EXT1: variants seen among roughly 807,000 people sequenced by gnomAD.
EXT1 encodes the protein exostosin glycosyltransferase 1.
A neutral mutation model predicts 82.5 loss-of-function variants in EXT1; 20 were observed. The observed-to-expected ratio is 0.24, with a 90% CI of 0.17 to 0.35. The LOEUF (loss-of-function observed/expected upper bound fraction) is 0.35, where lower values mean the gene tolerates loss of function less well. Among genes scored for constraint, EXT1 ranks in the 10% least tolerant of loss-of-function variants. The pLI is 1.00. For synonymous variants in EXT1, 348 were observed against 350.8 expected, an observed-to-expected ratio of 0.99 and a Z score of 0.09; for missense variants, 757 against 936.5, an observed-to-expected ratio of 0.81 and a Z score of 2.50.
chr8:117,934,801 A>AT (rs1367616602), intron 1 of EXT1, among the ~76,000 whole-genome samples: 3 of 152,152 alleles, frequency 2.0e-5, no homozygotes, highest in South Asian at 2.1e-4. Context: ...TTATGTACGT[A>AT]TTTTTTTTAA....
chr8:117,948,457 C>T (rs1814430406), intron 1 of EXT1, among the ~76,000 whole-genome samples: 1 of 152,098 alleles, frequency 6.6e-6, no homozygotes, highest in African/African-American at 2.4e-5. Context: ...TTTAGGATCA[C>T]GGACTCCATT....
intron 1 of EXT1, among the ~76,000 whole-genome samples, chr8:117,933,285 C>T (rs1814097205): frequency 6.9e-6 from 1 of 145,802 alleles, no homozygotes; most frequent in Admixed American, 6.9e-5. Flanking sequence ...CTTGCTCTGT[C>T]GCCCAGGCTG....
chr8:117,907,764 A>T (rs13263609), intron 1 of EXT1, among the ~76,000 whole-genome samples: 116,830 of 151,866 alleles, frequency 0.77, 45,663 homozygotes, highest in Non-Finnish European at 0.85. Context: ...ATTCACATTT[A>T]AAAAAAAAAT....
At chr8:118,100,416 G>A (rs1817697348) in intron 1 of EXT1, among the ~76,000 whole-genome samples, 3 of 152,116 alleles carry the variant, frequency 2.0e-5, no homozygotes, top group Non-Finnish European at 4.4e-5. Flanking sequence ...CTCACACACG[G>A]TGTCCCTCCA....
At chr8:117,818,389 C>G in intron 7 of EXT1, 46 bp downstream of exon 7, 1 of 1,545,982 alleles carries the variant, frequency 6.5e-7, no homozygotes, top group East Asian at 2.2e-5. Flanking sequence ...ATGGAGAAAC[C>G]AAGGCTCCAC....
intron 1 of EXT1, among the ~76,000 whole-genome samples, chr8:117,980,698 GTTTTTT>G (rs1330631748): frequency 2.3e-5 from 1 of 43,830 alleles, no homozygotes; most frequent in Non-Finnish European, 4.3e-5. Flanking sequence ...GGTGTTGGTG[GTTTTTT>G]TTTTTTTTTT....
At chr8:117,981,372 A>G (rs1282917444) in intron 1 of EXT1, among the ~76,000 whole-genome samples, 2 of 152,204 alleles carry the variant, frequency 1.3e-5, no homozygotes, top group African/African-American at 4.8e-5. Context: ...TTGTTCCAAG[A>G]ATAGATAAAT....
intron 1 of EXT1, among the ~76,000 whole-genome samples, chr8:117,869,537 C>T (rs908605164): frequency 2.0e-5 from 3 of 152,168 alleles, no homozygotes; most frequent in African/African-American, 7.2e-5. Context: ...AAATAAAACA[C>T]ACTTAGTAAA....
chr8:117,891,374 C>A (rs1231344143), intron 1 of EXT1, among the ~76,000 whole-genome samples: 1 of 152,130 alleles, frequency 6.6e-6, no homozygotes, highest in African/African-American at 2.4e-5. Flanking sequence ...TGATGATATG[C>A]CAAACAAGAC....
intron 1 of EXT1, among the ~76,000 whole-genome samples, chr8:118,033,680 G>C (rs777489789): frequency 1.3e-5 from 2 of 152,016 alleles, no homozygotes; most frequent in Non-Finnish European, 2.9e-5. Flanking sequence ...GGGTCTCACT[G>C]TGTTGCCCTG....
chr8:118,090,593 C>A (rs574167073), intron 1 of EXT1, among the ~76,000 whole-genome samples: 2 of 151,728 alleles, frequency 1.3e-5, no homozygotes, highest in Non-Finnish European at 2.9e-5. Flanking sequence ...GCCTGGCCAA[C>A]ATGATGAAAC....
chr8:117,898,118 T>G (rs11774623), intron 1 of EXT1, among the ~76,000 whole-genome samples: 38,311 of 152,190 alleles, frequency 0.25, 5,653 homozygotes, highest in East Asian at 0.37. Context: ...AAGTGTATAC[T>G]CTTTCCATAA....
chr8:118,071,344 C>G (rs1025460339), intron 1 of EXT1, among the ~76,000 whole-genome samples: 10 of 152,148 alleles, frequency 6.6e-5, no homozygotes, highest in African/African-American at 2.4e-4. Context: ...TTACATAGTT[C>G]TTTGTTTGCG....
intron 1 of EXT1, among the ~76,000 whole-genome samples, chr8:117,887,713 T>G (rs1241444881): frequency 6.6e-6 from 1 of 152,144 alleles, no homozygotes; most frequent in Non-Finnish European, 1.5e-5. Flanking sequence ...ACCTCTCTTT[T>G]TGATCAAATA....
chr8:117,991,624 T>G (rs1236603582), intron 1 of EXT1, among the ~76,000 whole-genome samples: 1 of 152,038 alleles, frequency 6.6e-6, no homozygotes, highest in African/African-American at 2.4e-5. Context: ...CGCAGTGGCA[T>G]GATCTCAGCT....
chr8:117,799,985 G>A (rs1051651780), intron 10 of EXT1, 88 bp from the exon 11 acceptor site: 2 of 1,403,934 alleles, frequency 1.4e-6, no homozygotes, highest in Admixed American at 1.9e-5. Context: ...AGGCAAATGA[G>A]CAAGCAGCAA....
chr8:117,809,568 C>T (rs991963916), intron 8 of EXT1, among the ~76,000 whole-genome samples: 2 of 149,148 alleles, frequency 1.3e-5, no homozygotes, highest in East Asian at 3.9e-4. Flanking sequence ...ACCCAGGAGG[C>T]GGAGGTTGCG....
intron 1 of EXT1, among the ~76,000 whole-genome samples, chr8:117,840,618 G>GGA (rs1192541676): frequency 1.4e-4 from 13 of 89,742 alleles, no homozygotes; most frequent in African/African-American, 4.9e-4. Flanking sequence ...ATCTCAAAAA[G>GGA]AAAAAAAAAA....
In EXT1 at chr8:117,839,736, C is replaced by G. The variant is rs542521995; in HGVS notation, c.963-2535G>C. 2.0e-5 allele frequency among the ~76,000 whole-genome samples: 3 copies of G among 152,350 alleles called. No homozygotes were observed. In the South Asian group the frequency reaches 6.2e-4, roughly 32 times the overall value. ...ACCACGTGCTTGATCCTCTCCTACTCAGCCCATTGTGATGCTCTTTCACAC... is the reference window on the plus strand; with the variant it reads ...ACCACGTGCTTGATCCTCTCCTACTGAGCCCATTGTGATGCTCTTTCACAC... On this transcript the variant is annotated intron_variant, in intron 1 of 10. Transcript: ENST00000378204.
Sources: allele counts gnomAD v4.1 joint callset (sites outside exome capture counted in the v4.1 genomes callset), GRCh38; gene constraint gnomAD v4.1.1; transcripts MANE v1.5; gene names NCBI Gene and HGNC (gene_info 2026-07-23, HGNC 2026-07-21).